Variants in ABCC9 observed in about 807,000 individuals in gnomAD.
The protein encoded by ABCC9 is ATP binding cassette subfamily C member 9.
ABCC9 carries 95 observed loss-of-function variants against 188.3 expected under a neutral mutation model. The ratio of observed to expected loss-of-function variants is 0.50; its 90% CI spans 0.43 to 0.60. The LOEUF is 0.60. ABCC9 is among the 20% of genes least tolerant of loss of function. The probability of loss-of-function intolerance (pLI) is 0.00; values close to 1 mark genes in which losing one functional copy is unlikely to be tolerated. For missense variants in ABCC9, 1,102 were observed against 1,876.3 expected (o/e 0.59, Z 7.62); for synonymous variants, 659 against 652.7 (o/e 1.01, Z -0.15).
intron 19 of ABCC9, among the ~76,000 whole-genome samples, chr12:21,863,454 GA>G (rs150728475): frequency 0.018 from 2,786 of 152,074 alleles, 89 homozygotes; most frequent in African/African-American, 0.064. Flanking sequence ...CAAACTTTAA[GA>G]TGTTAATTGA....
chr12:21,931,175 G>A (rs1394134937), intron 4 of ABCC9, among the ~76,000 whole-genome samples: 2 of 152,070 alleles, frequency 1.3e-5, no homozygotes, highest in African/African-American at 4.8e-5. Context: ...GAGGTGATTA[G>A]ATAATGGCAA....
At position 21,800,375 on chromosome 12, in the gene ABCC9, T is replaced by C. The variant is rs1289297055; in HGVS notation, c.*669A>G. ...GCCTGATATCTTAAGAATTCTCTCT[T>C]TACAGGACAGGAAAAAATGAAAATT... On this transcript the variant is annotated 3_prime_UTR_variant, in exon 40 of 40. Transcript: ENST00000261200. 6.6e-6 allele frequency: 1 copy of C among 152,266 alleles called. No individual in the cohort carries two copies. Among genetic ancestry groups the C allele is most frequent in the African/African-American group, 2.4e-5 (1 of 41,430 alleles). The allele number at this position is 152,266 out of a possible 1,614,324, so 9.4% of individuals were successfully genotyped here.
chr12:21,912,504 C>A (rs1948368380), intron 8 of ABCC9, among the ~76,000 whole-genome samples: 1 of 151,796 alleles, frequency 6.6e-6, no homozygotes. Flanking sequence ...GGTCACAGAC[C>A]TCTAAAGAAG....
At chr12:21,905,990 A>G (rs1948024033) in intron 12 of ABCC9, 136 bp downstream of exon 12, 1 of 972,890 alleles carries the variant, frequency 1.0e-6, no homozygotes. Flanking sequence ...TGGCTATTGG[A>G]CAGCACGTGT....
At chr12:21,931,996 G>T (rs1949308907) in intron 4 of ABCC9, among the ~76,000 whole-genome samples, 2 of 152,090 alleles carry the variant, frequency 1.3e-5, no homozygotes, top group South Asian at 4.2e-4. Context: ...CTTGTTAATT[G>T]CAACAGAAAA....
chr12:21,836,227 T>C (rs977596557), intron 30 of ABCC9, among the ~76,000 whole-genome samples: 1 of 152,168 alleles, frequency 6.6e-6, no homozygotes, highest in African/African-American at 2.4e-5. Flanking sequence ...TGAACACAAC[T>C]CTGATCATAT....
At chr12:21,934,964 C>A (rs1949428469) in intron 3 of ABCC9, among the ~76,000 whole-genome samples, 1 of 151,914 alleles carries the variant, frequency 6.6e-6, no homozygotes, top group Admixed American at 6.6e-5. Context: ...TCTTTTTTTG[C>A]AACCTTATGA....
intron 17 of ABCC9, among the ~76,000 whole-genome samples, chr12:21,874,835 G>C (rs1213358661): frequency 6.6e-6 from 1 of 152,188 alleles, no homozygotes; most frequent in East Asian, 1.9e-4. Context: ...AACTAATTTA[G>C]TCAAAATTTT....
At chr12:21,816,445 G>A (rs1339334231) in intron 33 of ABCC9, among the ~76,000 whole-genome samples, 2 of 152,022 alleles carry the variant, frequency 1.3e-5, no homozygotes, top group African/African-American at 4.8e-5. Context: ...GAGCATGGAT[G>A]GTGCTAACCT....
rs188778385 is a variant in ABCC9, at chr12:21,872,905, A to G, written c.2093-175T>C. Among the ~76,000 whole-genome samples the G allele has an allele frequency of 1.5e-3, 224 of 149,858 alleles. 1 individual carries two copies. In the South Asian group the frequency reaches 0.022, roughly 15 times the overall value. On this transcript the variant is annotated intron_variant, in intron 17 of 39. Transcript: ENST00000261200. ...GATAAGTCTTTTTGGAAAAGGAAAA[A>G]TATATATATATATAATGATTTATTA...
At chr12:21,905,033 G>A (rs1291966742) in intron 12 of ABCC9, among the ~76,000 whole-genome samples, 2 of 152,170 alleles carry the variant, frequency 1.3e-5, no homozygotes, top group East Asian at 1.9e-4. Flanking sequence ...CAACCCAAAT[G>A]TCCAACAATG....
chr12:21,875,656 G>C lies in ABCC9; in HGVS notation c.2090C>G (p.Thr697Arg), dbSNP rs764471784. 2 of 1,607,550 alleles carry C rather than the reference G, an allele frequency of 1.2e-6. No individual in the cohort carries two copies. Among genetic ancestry groups the C allele is most frequent in the Non-Finnish European group, 1.7e-6 (2 of 1,174,128 alleles). The change falls in exon 17 of 40, where the codon ACA becomes AGA. Residue 697 changes from threonine to arginine, a missense_variant and splice_region_variant. By Grantham distance (71) the Thr-to-Arg change is moderately conservative. This residue lies in a region of ABCC9 where 258 missense variants were observed against 325.6 expected (regional missense o/e 0.79). Coordinates refer to ENST00000261200, the MANE Select transcript of ABCC9 (RefSeq NM_020297.4). Reference sequence around the variant, plus strand: ...AATGCATAACAGATAACTCTTACCTGTTGGAATTCGAATATCTATATTGGA... The same window carrying C: ...AATGCATAACAGATAACTCTTACCTCTTGGAATTCGAATATCTATATTGGA... Reference protein sequence around the residue: ...TLSNIDIRIPTGQLTMIVGQV... With the variant: ...TLSNIDIRIPRGQLTMIVGQV...
At chr12:21,882,687 G>A (rs1946680469) in intron 16 of ABCC9, 79 bp downstream of exon 16, 1 of 1,272,402 alleles carries the variant, frequency 7.9e-7, no homozygotes, top group East Asian at 2.3e-5. Flanking sequence ...CACAATTTGG[G>A]ACACTTTCAC....
chr12:21,937,419 G>C (rs901233089), intron 2 of ABCC9, among the ~76,000 whole-genome samples: 2 of 152,136 alleles, frequency 1.3e-5, no homozygotes, highest in East Asian at 3.9e-4. Flanking sequence ...GATGAGTTTA[G>C]AGAGGAAACA....
chr12:21,831,004 A>ATCTATCTATCTATCTG (rs1372623945), intron 30 of ABCC9: 1 of 148,368 alleles, frequency 6.7e-6, no homozygotes, highest in Non-Finnish European at 1.5e-5. Flanking sequence ...CTATCTATCT[A>ATCTATCTATCTATCTG]TCTATCTATC....
chr12:21,805,118 T>C, intron 39 of ABCC9: 1 of 1,611,492 alleles, frequency 6.2e-7, no homozygotes, highest in Non-Finnish European at 8.5e-7. Flanking sequence ...ACTGAGAGGA[T>C]ACTGCTAAGA....
At position 21,828,486 on chromosome 12, in the gene ABCC9, C is replaced by A. The variant is rs1943523489; in HGVS notation, c.3669+472G>T. 6 of 212,538 alleles carry A rather than the reference C, an allele frequency of 2.8e-5. No homozygotes were observed. The South Asian group carries it at 4.3e-4, about 15-fold the overall frequency. 13.2% of individuals were successfully genotyped at this position (212,538 alleles called of 1,614,324 possible). ...AGTCTGTGTGATGCCAAAGCTTGTGCTTGTTCTTCTACATTATGCAAGACA... is the reference window on the plus strand; with the variant it reads ...AGTCTGTGTGATGCCAAAGCTTGTGATTGTTCTTCTACATTATGCAAGACA... On this transcript the variant is annotated intron_variant, in intron 31 of 39. Coordinates refer to ENST00000261200, the MANE Select transcript of ABCC9 (RefSeq NM_020297.4).
chr12:21,818,778 T>C lies in ABCC9; in HGVS notation c.3670-527A>G, dbSNP rs115831380. On this transcript the variant is annotated intron_variant, in intron 31 of 39. Transcript: ENST00000261200. ...TTATGATTAGCTCCTTTGTGTTGTG[T>C]AGTGAGGCCCTTGCAGAAATTTGTC... Among the ~76,000 whole-genome samples, 599 of 151,870 alleles carry C rather than the reference T, an allele frequency of 3.9e-3. 7 individuals are homozygous for C. The highest frequency in any genetic ancestry group is 0.014 in the African/African-American group (563 of 41,394).
chr12:21,825,670 C>T (rs1489717692), intron 31 of ABCC9, among the ~76,000 whole-genome samples: 1 of 151,982 alleles, frequency 6.6e-6, no homozygotes, highest in African/African-American at 2.4e-5. Flanking sequence ...GGAGGGATAG[C>T]ATTAGGAGAA....
Sources: allele counts gnomAD v4.1 joint callset (sites outside exome capture counted in the v4.1 genomes callset), GRCh38; gene constraint gnomAD v4.1.1; regional missense constraint gnomAD v4.1.1; transcripts MANE v1.5; gene names NCBI Gene and HGNC (gene_info 2026-07-23, HGNC 2026-07-21).